The following KIF1A variants were observed in gnomAD, a reference collection of about 807,000 sequenced individuals.
The protein encoded by KIF1A is kinesin family member 1A, also known as kinesin-like protein KIF1A.
A neutral mutation model predicts 227.3 loss-of-function variants in KIF1A; 46 were observed. The observed-to-expected ratio is 0.20, with a 90% CI of 0.16 to 0.26. The LOEUF is 0.26. Among genes scored for constraint, KIF1A ranks in the 10% least tolerant of loss-of-function variants. The pLI, the probability that KIF1A is intolerant of heterozygous loss-of-function variation, is 1.00. For missense variants in KIF1A, 1,683 were observed against 2,485.9 expected (o/e 0.68, Z 6.87); for synonymous variants, 1,022 against 1,012.8 (o/e 1.01, Z -0.17).
At chr2:240,782,947 C>T (rs991024408) in intron 9 of KIF1A, 97 bp downstream of exon 9, 123 of 1,040,050 alleles carry the variant, frequency 1.2e-4, no homozygotes, top group Non-Finnish European at 1.7e-4. Context: ...TGGCCACCTC[C>T]CAGACACAGG....
intron 2 of KIF1A, among the ~76,000 whole-genome samples, chr2:240,794,861 G>C (rs987175285): frequency 1.3e-5 from 2 of 152,168 alleles, no homozygotes; most frequent in Non-Finnish European, 2.9e-5. Context: ...ACAGTGGGCA[G>C]GACACTGATC....
chr2:240,714,862 A>G lies in KIF1A; in HGVS notation c.*2502T>C, dbSNP rs1271461536. ...TGGCTCTGGGTCCTAGCCAAGGCCA[A>G]CACGGCACCTGGCTGAGAGGACACA... On this transcript the variant is annotated 3_prime_UTR_variant, in exon 49 of 49. Transcript: ENST00000498729. The G allele has an allele frequency of 6.6e-6, 1 of 152,244 alleles. No homozygotes were observed. The highest frequency in any genetic ancestry group is 1.5e-5 in the Non-Finnish European group (1 of 68,082). The allele number at this position is 152,244 out of a possible 1,614,324, so 9.4% of individuals were successfully genotyped here.
At chr2:240,718,228 C>T (rs1575510889) in intron 47 of KIF1A, 60 bp from the exon 48 acceptor site, 1 of 1,194,660 alleles carries the variant, frequency 8.4e-7, no homozygotes, top group South Asian at 1.3e-5. Flanking sequence ...CACCACCCTC[C>T]TGCTCCCCAG....
In KIF1A at chr2:240,775,192, T is replaced by C. The variant is rs769499116; in HGVS notation, c.958+659A>G. The stretch of plus-strand genomic sequence containing the variant: ...GCTGGGGAGCAAGCATGGCTAGTTG[T>C]GGGGTGCAGAGGTGGTCAGCCAGGG... On this transcript the variant is annotated intron_variant, in intron 11 of 48. Transcript: ENST00000498729. This position sits in a 1 kb window ranked among gnomAD's most constrained non-coding sequence, Gnocchi z 5.5. 7.9e-5 allele frequency among the ~76,000 whole-genome samples: 12 copies of C among 152,176 alleles called. No individual in the cohort carries two copies. Among genetic ancestry groups the C allele is most frequent in the Non-Finnish European group, 1.5e-4 (10 of 68,038 alleles).
At chr2:240,786,549 G>GT in intron 5 of KIF1A, 36 bp from the exon 6 acceptor site, 2 of 1,596,462 alleles carry the variant, frequency 1.3e-6, no homozygotes, top group Non-Finnish European at 8.5e-7. Context: ...GGGCCCCTGA[G>GT]GCGAGGGAGT....
intron 10 of KIF1A, chr2:240,781,845 C>A: frequency 1.0e-6 from 1 of 985,430 alleles, no homozygotes; most frequent in Non-Finnish European, 1.2e-6. Flanking sequence ...AGTCCACACG[C>A]CTTCTCCCAG....
At chr2:240,782,157 G>C (rs549478579) in intron 10 of KIF1A, 1 of 985,050 alleles carries the variant, frequency 1.0e-6, no homozygotes, top group Non-Finnish European at 1.2e-6. Flanking sequence ...CGGCACCTCC[G>C]ACTCCACACG....
At chr2:240,814,306 T>G (rs930237225) in intron 1 of KIF1A, among the ~76,000 whole-genome samples, 3 of 151,766 alleles carry the variant, frequency 2.0e-5, no homozygotes, top group African/African-American at 7.3e-5. Flanking sequence ...AAAGACGAGT[T>G]GCCAACAAAG....
rs1441117906 is a variant in KIF1A at position 240,790,969 on chromosome 2, T to G, written c.107-1657A>C. The stretch of plus-strand genomic sequence containing the variant: ...TGAGACCCCCTCTGGCCAAGCGTCT[T>G]GCTGACAGCACAGGCATCACTGGCA... On this transcript the variant is annotated intron_variant, in intron 2 of 48. Coordinates refer to ENST00000498729, the MANE Select transcript of KIF1A (RefSeq NM_001244008.2). This position sits in a 1 kb window ranked among gnomAD's most constrained non-coding sequence, Gnocchi z 5.0. 6.6e-6 allele frequency among the ~76,000 whole-genome samples: 1 copy of G among 152,148 alleles called. No individual in the cohort carries two copies. The highest frequency in any genetic ancestry group is 1.5e-5 in the Non-Finnish European group (1 of 68,016).
rs914488605 is a variant in KIF1A at position 240,756,363 on chromosome 2, C to T, written c.2858+956G>A. Among the ~76,000 whole-genome samples, 4 of 152,208 alleles carry T rather than the reference C, an allele frequency of 2.6e-5. No individual in the cohort carries two copies. The East Asian group carries it at 7.7e-4, about 29-fold the overall frequency. ...TGAGCTGACCTTCTGACTACTACAG[C>T]CAGGTTTCTAGATCTTTCCTTCACC... On this transcript the variant is annotated intron_variant, in intron 27 of 48. Transcript: ENST00000498729.
At chr2:240,723,344 A>T in intron 42 of KIF1A, 69 bp downstream of exon 42, 1 of 1,437,728 alleles carries the variant, frequency 7.0e-7, no homozygotes, top group East Asian at 2.5e-5. Context: ...GGCCCTCTCC[A>T]GCTTTTGCTC....
chr2:240,732,649 G>T (rs1356586051), intron 38 of KIF1A, among the ~76,000 whole-genome samples: 1 of 114,546 alleles, frequency 8.7e-6, no homozygotes, highest in Non-Finnish European at 1.8e-5. Flanking sequence ...ATGAGGGGAG[G>T]AGCTAATAAG....
At chr2:240,728,864 CT>C (rs2046309063) in intron 38 of KIF1A, among the ~76,000 whole-genome samples, 1 of 152,224 alleles carries the variant, frequency 6.6e-6, no homozygotes, top group Admixed American at 6.5e-5. Context: ...TCACCAACAG[CT>C]CTGTGCCCCA....
At chr2:240,717,647 G>A (rs540674556) in intron 48 of KIF1A, among the ~76,000 whole-genome samples, 38 of 152,294 alleles carry the variant, frequency 2.5e-4, no homozygotes, top group Middle Eastern at 3.4e-3. Context: ...AGCTCCTTCC[G>A]CAGCCTGCCC....
At chr2:240,780,673 C>T (rs573763617) in intron 10 of KIF1A, among the ~76,000 whole-genome samples, 85 of 151,796 alleles carry the variant, frequency 5.6e-4, no homozygotes, top group Non-Finnish European at 1.1e-3. Flanking sequence ...GTTCCCACCA[C>T]GGTTCCTGAG....
rs758519553 is a variant in KIF1A, at chr2:240,783,031, C to T, written c.864+13G>A. 3 of 1,609,670 alleles carry T rather than the reference C, an allele frequency of 1.9e-6. No individual in the cohort carries two copies. The highest frequency in any genetic ancestry group is 1.7e-5 in the Admixed American group (1 of 60,028). ...TGGGGTTCTGGCTATGGAAGCCGGGCCGGGCCACTCACCATTTCAGCCAGG... is the reference window on the plus strand; with the variant it reads ...TGGGGTTCTGGCTATGGAAGCCGGGTCGGGCCACTCACCATTTCAGCCAGG... On this transcript the variant is annotated intron_variant, in intron 9 of 48. Transcript: ENST00000498729.
chr2:240,750,392 G>T (rs764354875), intron 28 of KIF1A, 37 bp downstream of exon 28: 2 of 1,504,066 alleles, frequency 1.3e-6, no homozygotes, highest in Non-Finnish European at 1.8e-6. Context: ...AGCCCCAGGG[G>T]CTCCAATGCC....
At chr2:240,722,401 T>A (rs1247862008) in intron 43 of KIF1A, 55 bp downstream of exon 43, 5 of 1,504,952 alleles carry the variant, frequency 3.3e-6, no homozygotes, top group Admixed American at 2.0e-5. Context: ...CAGAAATGAC[T>A]CAGGGCCCTT....
chr2:240,780,651 A>G (rs935212667), intron 10 of KIF1A, among the ~76,000 whole-genome samples: 1 of 151,862 alleles, frequency 6.6e-6, no homozygotes, highest in South Asian at 2.1e-4. Flanking sequence ...TCAGGCCCCC[A>G]GAGTTCCTCG....
Sources: gnomAD v4.1 joint callset for allele counts (sites outside exome capture counted in the v4.1 genomes callset) on GRCh38, gnomAD v4.1.1 for gene constraint, Gnocchi (gnomAD v3.1) non-coding constraint, MANE v1.5 for transcripts, NCBI Gene and HGNC (gene_info 2026-07-23, HGNC 2026-07-21) for gene names.